Variants in SIPA1L3 observed in about 807,000 individuals in gnomAD.
SIPA1L3 encodes signal-induced proliferation-associated 1-like protein 3.
A neutral mutation model predicts 150.1 loss-of-function variants in SIPA1L3; 59 were observed. The ratio of observed to expected loss-of-function variants is 0.39; its 90% CI spans 0.32 to 0.49. The LOEUF is 0.49. Among genes scored for constraint, SIPA1L3 ranks in the 20% least tolerant of loss-of-function variants. The probability of loss-of-function intolerance (pLI) is 0.86; values close to 1 mark genes in which losing one functional copy is unlikely to be tolerated. For missense variants in SIPA1L3, 2,211 were observed against 2,489.5 expected (o/e 0.89, Z 2.38); for synonymous variants, 1,070 against 1,077.6 (o/e 0.99, Z 0.14).
intron 8 of SIPA1L3, among the ~76,000 whole-genome samples, chr19:38,113,890 G>T (rs1384521138): frequency 6.6e-6 from 1 of 152,072 alleles, no homozygotes; most frequent in Non-Finnish European, 1.5e-5. Flanking sequence ...TGGTTGTTTC[G>T]TGAGTTTTCA....
chr19:38,161,587 T>C (rs971371186), intron 13 of SIPA1L3, among the ~76,000 whole-genome samples: 2 of 151,618 alleles, frequency 1.3e-5, no homozygotes, highest in Admixed American at 1.3e-4. Flanking sequence ...TAGCTGGGCA[T>C]GGTGGTGCCA....
At chr19:37,923,354 G>A (rs1003204856) in intron 1 of SIPA1L3, among the ~76,000 whole-genome samples, 2 of 152,204 alleles carry the variant, frequency 1.3e-5, no homozygotes, top group Non-Finnish European at 1.5e-5. Context: ...ACACCTAGGC[G>A]CTATGGAGTA....
chr19:38,111,547 G>A (rs1039031402), intron 8 of SIPA1L3, among the ~76,000 whole-genome samples: 14 of 152,202 alleles, frequency 9.2e-5, no homozygotes, highest in African/African-American at 1.7e-4. Flanking sequence ...AGCAGAGGAC[G>A]TGTGTATGTG....
chr19:38,122,220 C>CA (rs1216424397), intron 9 of SIPA1L3, among the ~76,000 whole-genome samples: 4 of 151,978 alleles, frequency 2.6e-5, no homozygotes, highest in African/African-American at 9.7e-5. Context: ...AACTCTGTCT[C>CA]AAAAAAACAA....
chr19:37,965,720 A>T (rs1158176031), intron 1 of SIPA1L3, among the ~76,000 whole-genome samples: 1 of 84,602 alleles, frequency 1.2e-5, no homozygotes, highest in African/African-American at 5.4e-5. Context: ...CCCTGCCCCC[A>T]CCCCTAGTCC....
intron 13 of SIPA1L3, among the ~76,000 whole-genome samples, chr19:38,158,000 G>A (rs937701022): frequency 3.3e-5 from 5 of 152,150 alleles, no homozygotes; most frequent in African/African-American, 7.2e-5. Context: ...CAGCACTTTC[G>A]GAGGCCAAGG....
chr19:37,907,846 A>G (rs1292880712), intron 1 of SIPA1L3: 1 of 152,166 alleles, frequency 6.6e-6, no homozygotes, highest in Admixed American at 6.5e-5. Flanking sequence ...TAAAGAGGTG[A>G]GTCCTTAGTT....
At chr19:38,125,464 ACT>A (rs1294179669) in intron 9 of SIPA1L3, among the ~76,000 whole-genome samples, 1 of 151,832 alleles carries the variant, frequency 6.6e-6, no homozygotes, top group Non-Finnish European at 1.5e-5. Context: ...TCACTGTGCC[ACT>A]CTGTCCCACA....
intron 4 of SIPA1L3, 52 bp from the exon 5 acceptor site, chr19:38,099,910 C>T (rs1568549383): frequency 1.4e-6 from 2 of 1,412,030 alleles, no homozygotes; most frequent in Non-Finnish European, 1.9e-6. Flanking sequence ...ATGCTCTTAT[C>T]CCTTTTTAGG....
intron 6 of SIPA1L3, among the ~76,000 whole-genome samples, chr19:38,104,584 G>C (rs767961375): frequency 1.3e-4 from 19 of 151,732 alleles, no homozygotes; most frequent in Non-Finnish European, 2.4e-4. Context: ...TTGTTTTTTT[G>C]TTTTTTTGAG....
chr19:37,932,663 G>C (rs1305026803), intron 1 of SIPA1L3: 1 of 152,278 alleles, frequency 6.6e-6, no homozygotes, highest in East Asian at 1.9e-4. Context: ...CCCACTTTGT[G>C]ATCAGAGCCG....
chr19:38,124,688 CCA>C (rs1971129062), intron 9 of SIPA1L3, among the ~76,000 whole-genome samples: 1 of 152,218 alleles, frequency 6.6e-6, no homozygotes, highest in Admixed American at 6.5e-5. Context: ...CGAGATCACG[CCA>C]CTGCACTCCA....
intron 2 of SIPA1L3, among the ~76,000 whole-genome samples, chr19:38,035,457 C>T (rs73634433): frequency 0.012 from 1,814 of 152,242 alleles, 41 homozygotes; most frequent in African/African-American, 0.041. Context: ...AGGCACCTAA[C>T]GGTGACTTGG....
At chr19:38,142,859 G>A in intron 12 of SIPA1L3, 149 bp downstream of exon 12, 1 of 1,019,810 alleles carries the variant, frequency 9.8e-7, no homozygotes, top group Non-Finnish European at 1.4e-6. Context: ...CCCATGGGGT[G>A]GTTATGTCTC....
chr19:38,118,451 A>G (rs1311704696), intron 8 of SIPA1L3, among the ~76,000 whole-genome samples: 1 of 152,182 alleles, frequency 6.6e-6, no homozygotes, highest in Non-Finnish European at 1.5e-5. Flanking sequence ...TATTTAAAAC[A>G]GGAATAAGTG....
chr19:37,997,568 TAAAAA>T (rs71177495), intron 1 of SIPA1L3, among the ~76,000 whole-genome samples: 1 of 83,868 alleles, frequency 1.2e-5, no homozygotes, highest in Non-Finnish European at 2.1e-5. Context: ...ACTGTCTCAT[TAAAAA>T]AAAAAAAAAA....
At chr19:38,020,203 A>G (rs1968341716) in intron 1 of SIPA1L3, among the ~76,000 whole-genome samples, 1 of 152,196 alleles carries the variant, frequency 6.6e-6, no homozygotes, top group Admixed American at 6.5e-5. Context: ...TTTTTACTTA[A>G]TCCTCACAAC....
intron 11 of SIPA1L3, among the ~76,000 whole-genome samples, chr19:38,141,885 G>A (rs879895210): frequency 7.0e-4 from 107 of 152,336 alleles, no homozygotes; most frequent in African/African-American, 2.5e-3. Context: ...AAGAGGCTGA[G>A]GTGGGAGGAT....
intron 16 of SIPA1L3, among the ~76,000 whole-genome samples, chr19:38,188,747 C>T (rs865916238): frequency 1.3e-5 from 2 of 151,698 alleles, no homozygotes; most frequent in South Asian, 2.1e-4. Context: ...ATGGTGAAAC[C>T]CCGTCTCTAC....
Sources: gnomAD v4.1 joint callset for allele counts (sites outside exome capture counted in the v4.1 genomes callset) on GRCh38, gnomAD v4.1.1 for gene constraint, MANE v1.5 for transcripts, NCBI Gene and HGNC (gene_info 2026-07-23, HGNC 2026-07-21) for gene names.